The following ATP6V1E1 variants were observed in gnomAD, a reference collection of about 807,000 sequenced individuals.
ATP6V1E1 encodes the protein V-type proton ATPase subunit E 1.
A neutral mutation model predicts 35.2 loss-of-function variants in ATP6V1E1; 21 were observed. The ratio of observed to expected loss-of-function variants is 0.60; its 90% confidence interval spans 0.42 to 0.86. ATP6V1E1 has a LOEUF of 0.86. Ranked by LOEUF, ATP6V1E1 falls within the 40% of genes least tolerant of loss-of-function variation. The pLI is 0.00. For synonymous variants in ATP6V1E1, 83 were observed against 87.8 expected (o/e 0.95, Z 0.30); for missense variants, 183 against 272.6 (o/e 0.67, Z 2.32).
intron 1 of ATP6V1E1, among the ~76,000 whole-genome samples, chr22:17,622,519 G>C (rs1324715849): frequency 1.3e-5 from 2 of 152,114 alleles, no homozygotes; most frequent in Non-Finnish European, 2.9e-5. Flanking sequence ...GCTAGGGGAG[G>C]GATAGCATTA....
At chr22:17,626,135 T>C (rs2057903220) in intron 1 of ATP6V1E1, among the ~76,000 whole-genome samples, 1 of 151,404 alleles carries the variant, frequency 6.6e-6, no homozygotes, top group South Asian at 2.1e-4. Context: ...TGAAACCCCA[T>C]CTCTAATAAA....
In ATP6V1E1 at chr22:17,600,071, G is replaced by T; in HGVS notation, c.391C>A (p.Arg131=). Residue 131 remains arginine, a synonymous_variant, in exon 6 of 9, where the codon CGA becomes AGA. Transcript: ENST00000253413. ...TGTTTCCTGCAACGAACAATCATTC[G>T]GGGCTCCAGCAACTGGTACAAACCC... ...LQGLYQLLEP[R]MIVRCRKQDF... The T allele has an allele frequency of 6.2e-7, 1 of 1,613,818 alleles. No individual in the cohort carries two copies. Among genetic ancestry groups the T allele is most frequent in the South Asian group, 1.1e-5 (1 of 91,078 alleles).
chr22:17,609,554 G>T (rs9605334), intron 4 of ATP6V1E1, among the ~76,000 whole-genome samples: 1 of 140,848 alleles, frequency 7.1e-6, no homozygotes, highest in African/African-American at 2.7e-5. Context: ...CTGCAAGCTC[G>T]GCCTCCTGGG....
chr22:17,619,314 AGGAAGGAGG>A, intron 2 of ATP6V1E1, 138 bp downstream of exon 2: 2 of 746,082 alleles, frequency 2.7e-6, no homozygotes, highest in Non-Finnish European at 4.4e-6. Flanking sequence ...AAATGAAGGA[AGGAAGGAGG>A]GGAAGGAGGG....
chr22:17,593,375 A>G (rs1253007490), intron 8 of ATP6V1E1, among the ~76,000 whole-genome samples: 3 of 152,176 alleles, frequency 2.0e-5, no homozygotes, highest in Non-Finnish European at 4.4e-5. Flanking sequence ...CTCTTTCTTC[A>G]ACAAACATTT....
In ATP6V1E1 at chr22:17,625,405, TGCACCACCTC is replaced by T. The variant is rs2057898852; in HGVS notation, c.33+3188_33+3197del. ...TCCCAAGTTGCTGAGATTACAGGCA[TGCACCACCTC>T]GCCCGGCTAATTTTGAATTTTAGTA... is the stretch of plus-strand genomic sequence containing the variant. On this transcript the variant is annotated intron_variant, in intron 1 of 8. Coordinates refer to ENST00000253413, the MANE Select transcript of ATP6V1E1 (RefSeq NM_001696.4). 5.3e-5 allele frequency among the ~76,000 whole-genome samples: 8 copies of T among 152,236 alleles called. No individual in the cohort carries two copies. In the South Asian group the frequency reaches 1.7e-3, roughly 32 times the overall value.
chr22:17,624,352 G>A (rs1291437673), intron 1 of ATP6V1E1, among the ~76,000 whole-genome samples: 14 of 152,044 alleles, frequency 9.2e-5, no homozygotes, highest in South Asian at 8.3e-4. Context: ...TCAGGAGTTC[G>A]AGACCAGCCT....
chr22:17,616,652 C>T (rs2057846636), intron 2 of ATP6V1E1, among the ~76,000 whole-genome samples: 1 of 135,122 alleles, frequency 7.4e-6, no homozygotes, highest in Non-Finnish European at 1.5e-5. Context: ...GCACTCCAGT[C>T]TGGGCAACAA....
At chr22:17,615,279 T>G (rs2057837965) in intron 2 of ATP6V1E1, among the ~76,000 whole-genome samples, 1 of 151,666 alleles carries the variant, frequency 6.6e-6, no homozygotes, top group South Asian at 2.1e-4. Context: ...CTAGCCTGGG[T>G]GACAGAGCAA....
At chr22:17,598,320 C>A (rs1374340968) in intron 6 of ATP6V1E1, 32 bp from the exon 7 acceptor site, 2 of 1,527,486 alleles carry the variant, frequency 1.3e-6, no homozygotes, top group African/African-American at 2.8e-5. Context: ...AGAGGTGTCA[C>A]TAGGAACTAT....
chr22:17,603,330 G>A (rs941246384), intron 4 of ATP6V1E1, among the ~76,000 whole-genome samples: 7 of 151,544 alleles, frequency 4.6e-5, no homozygotes, highest in South Asian at 2.1e-4. Flanking sequence ...GAGACCAGCC[G>A]GGGCAACAGA....
In ATP6V1E1 at chr22:17,625,568, G is replaced by A. The variant is rs5747290; in HGVS notation, c.33+3035C>T. On this transcript the variant is annotated intron_variant, in intron 1 of 8. Transcript: ENST00000253413. ...AGTGCTGGGATTACAGGCGTGAGCC[G>A]GCCAGGAAAAAATTTTATTGCTCAT... 2.1e-3 allele frequency among the ~76,000 whole-genome samples: 312 copies of A among 151,986 alleles called. 9 individuals carry two copies. The East Asian group carries it at 0.045, about 22-fold the overall frequency.
chr22:17,596,258 A>G (rs1431714554), intron 7 of ATP6V1E1, among the ~76,000 whole-genome samples: 1 of 152,318 alleles, frequency 6.6e-6, no homozygotes, highest in East Asian at 1.9e-4. Context: ...ACTAATGGTG[A>G]AATTTGATTC....
chr22:17,626,975 G>A (rs546677825), intron 1 of ATP6V1E1, among the ~76,000 whole-genome samples: 24 of 151,290 alleles, frequency 1.6e-4, no homozygotes, highest in Admixed American at 1.2e-3. Flanking sequence ...CACACCTGGC[G>A]TGTATTTGTG....
intron 4 of ATP6V1E1, among the ~76,000 whole-genome samples, chr22:17,607,196 T>A (rs2057791161): frequency 6.6e-6 from 1 of 152,050 alleles, no homozygotes; most frequent in South Asian, 2.1e-4. Flanking sequence ...TCTCACTCTG[T>A]CGCCAGGCTG....
intron 4 of ATP6V1E1, among the ~76,000 whole-genome samples, chr22:17,607,651 C>T (rs1023105771): frequency 6.6e-6 from 1 of 152,134 alleles, no homozygotes; most frequent in Non-Finnish European, 1.5e-5. Context: ...CTTGTTTCTA[C>T]TCCACATGGT....
intron 7 of ATP6V1E1, 37 bp downstream of exon 7, chr22:17,598,157 A>C: frequency 4.6e-6 from 7 of 1,521,884 alleles, no homozygotes; most frequent in Non-Finnish European, 6.4e-6. Context: ...TCTCCCAGGG[A>C]GAGAAGGTAG....
chr22:17,626,624 C>T (rs1004577396), intron 1 of ATP6V1E1, among the ~76,000 whole-genome samples: 4 of 151,718 alleles, frequency 2.6e-5, no homozygotes, highest in Middle Eastern at 3.2e-3. Flanking sequence ...CTCCACCTCC[C>T]GGGTTCAAGA....
In ATP6V1E1 at chr22:17,628,719, C is replaced by A. The variant is rs374743508; in HGVS notation, c.-84G>T. ...GTGAGAGAAATCGGCAAAGGGAACCCCTGCGCAGATCTCGGGTTCCTTTAC... is the reference window on the plus strand; with the variant it reads ...GTGAGAGAAATCGGCAAAGGGAACCACTGCGCAGATCTCGGGTTCCTTTAC... On this transcript the variant is annotated 5_prime_UTR_variant, in exon 1 of 9. Coordinates refer to ENST00000253413, the MANE Select transcript of ATP6V1E1 (RefSeq NM_001696.4). 8.7e-5 allele frequency: 138 copies of A among 1,577,170 alleles called. No individual in the cohort carries two copies. The highest frequency in any genetic ancestry group is 4.7e-4 in the Admixed American group (28 of 59,922).
Sources: gnomAD v4.1 joint callset for allele counts (sites outside exome capture counted in the v4.1 genomes callset) on GRCh38, gnomAD v4.1.1 for gene constraint, MANE v1.5 for transcripts, NCBI Gene and HGNC (gene_info 2026-07-23, HGNC 2026-07-21) for gene names.